CDAN1: variants seen among roughly 807,000 people sequenced by gnomAD.
The protein encoded by CDAN1 is codanin-1.
Under a neutral mutation model 139.8 loss-of-function variants are expected in CDAN1, and 107 were observed. The ratio of observed to expected loss-of-function variants is 0.77; its 90% confidence interval spans 0.65 to 0.90. The LOEUF (loss-of-function observed/expected upper bound fraction) is 0.90, where lower values mean the gene tolerates loss of function less well. CDAN1 is among the 40% of genes least tolerant of loss of function. CDAN1 has a pLI of 0.00. For missense variants in CDAN1, 1,667 were observed against 1,575.7 expected (o/e 1.06, Z -0.98); for synonymous variants, 776 against 660.6 (o/e 1.17, Z -2.68).
At chr15:42,735,828 C>G in intron 3 of CDAN1, 47 bp downstream of exon 3, 1 of 1,603,778 alleles carries the variant, frequency 6.2e-7, no homozygotes, top group Non-Finnish European at 8.5e-7. Context: ...CCCTGAAGAT[C>G]CCCCACAGCG....
chr15:42,727,608 G>T lies in CDAN1; in HGVS notation c.3096+13C>A. On this transcript the variant is annotated intron_variant, in intron 23 of 27. Coordinates refer to ENST00000356231, the MANE Select transcript of CDAN1 (RefSeq NM_138477.4). ...GGAGCAGGGAAGCCAAAGGGAGTAG[G>T]GTAGCCGTGTACTTTTATCTCGGAG... is the stretch of plus-strand genomic sequence containing the variant. 6.5e-7 allele frequency: 1 copy of T among 1,549,244 alleles called. No homozygotes were observed. Among genetic ancestry groups the T allele is most frequent in the Non-Finnish European group, 8.7e-7 (1 of 1,143,140 alleles).
chr15:42,730,238 A>G, intron 14 of CDAN1, 23 bp from the exon 15 acceptor site: 1 of 1,606,008 alleles, frequency 6.2e-7, no homozygotes, highest in East Asian at 2.2e-5. Context: ...TGGGCAGTAC[A>G]CGGGTTTGAG....
At chr15:42,728,409 GTGCCAGAGAAAAGACAAGCCCAAC>G in intron 20 of CDAN1, 142 bp from the exon 21 acceptor site, 1 of 921,594 alleles carries the variant, frequency 1.1e-6, no homozygotes, top group South Asian at 1.4e-5. Flanking sequence ...CCCACCCCAG[GTGCCAGAGAAAAGACAAGCCCAAC>G]TGCCAGCCCC....
rs1261005562 is a variant in CDAN1 at position 42,736,674 on chromosome 15, G to C, written c.197C>G (p.Pro66Arg). Residue 66 changes from proline to arginine, a missense_variant, in exon 2 of 28, where the codon CCG becomes CGG. Around this residue, in one of 3 missense-constraint regions of CDAN1, gnomAD observed 487 missense variants for 422.2 expected, o/e 1.15. Coordinates refer to ENST00000356231, the MANE Select transcript of CDAN1 (RefSeq NM_138477.4). ...CTTGGCGGGGGTCGGGGGCCCCTGC[G>C]GGAGGACGCGGCTGCTCTGCTCCCT... Reference protein sequence around the residue: ...FLREQSSRVLPQGPPTPAKTP... With the variant: ...FLREQSSRVLRQGPPTPAKTP... 8.4e-6 allele frequency: 13 copies of C among 1,545,660 alleles called. No individual in the cohort carries two copies. Among genetic ancestry groups the C allele is most frequent in the Non-Finnish European group, 1.1e-5 (13 of 1,148,126 alleles).
intron 6 of CDAN1, 25 bp downstream of exon 6, chr15:42,735,075 A>T: frequency 2.6e-6 from 4 of 1,557,666 alleles, no homozygotes; most frequent in Non-Finnish European, 3.5e-6. Context: ...AATGAGGCCC[A>T]AATGCCTCAG....
chr15:42,725,100 TA>T (rs759742115), intron 27 of CDAN1, 43 bp downstream of exon 27: 12 of 1,495,316 alleles, frequency 8.0e-6, no homozygotes, highest in Middle Eastern at 1.7e-4. Context: ...ATGGGATATG[TA>T]ACACCTGTTC....
chr15:42,736,878 CG>C, intron 1 of CDAN1, 98 bp from the exon 2 acceptor site: 1 of 1,446,116 alleles, frequency 6.9e-7, no homozygotes, highest in Non-Finnish European at 9.1e-7. Context: ...GTGGGCGGCC[CG>C]GGCAGCGGCG....
At chr15:42,736,827 C>G (rs767291360) in intron 1 of CDAN1, 47 bp from the exon 2 acceptor site, 21 of 1,476,154 alleles carry the variant, frequency 1.4e-5, no homozygotes, top group Non-Finnish European at 1.9e-5. Context: ...AGCCGCCGGC[C>G]CGCGGGCCGT....
rs1486052803 is a variant in CDAN1 at position 42,729,630 on chromosome 15, G to A, written c.2353-8C>T. 3.7e-6 allele frequency: 6 copies of A among 1,613,954 alleles called. No homozygotes were observed. The highest frequency in any genetic ancestry group is 5.1e-6 in the Non-Finnish European group (6 of 1,179,984). ...CACCACAGGCGCATTGTCCTGGGGAGAAAAGGTTGGTGTCAGCAGACTGCC... is the reference window on the plus strand; with the variant it reads ...CACCACAGGCGCATTGTCCTGGGGAAAAAAGGTTGGTGTCAGCAGACTGCC... On this transcript the variant is annotated splice_polypyrimidine_tract_variant and splice_region_variant and intron_variant, in intron 16 of 27. Transcript: ENST00000356231.
intron 22 of CDAN1, 55 bp downstream of exon 22, chr15:42,727,900 T>C: frequency 1.2e-6 from 2 of 1,602,504 alleles, no homozygotes; most frequent in Non-Finnish European, 1.7e-6. Flanking sequence ...TCTGACTCTC[T>C]GCCAGTCCAC....
chr15:42,724,788 G>A (rs1167130020), intron 27 of CDAN1, 172 bp from the exon 28 acceptor site: 1 of 872,908 alleles, frequency 1.1e-6, no homozygotes, highest in East Asian at 2.7e-5. Flanking sequence ...GGAGGCTGAA[G>A]TTATGGCAGG....
At chr15:42,734,081 G>C (rs2061653278) in intron 7 of CDAN1, 34 bp from the exon 8 acceptor site, 1 of 1,589,144 alleles carries the variant, frequency 6.3e-7, no homozygotes, top group Non-Finnish European at 8.6e-7. Flanking sequence ...GAACTGCAGG[G>C]TCATGCTGAG....
rs61747153 is a variant in CDAN1, at chr15:42,730,963, C to A, written c.1969G>T (p.Gly657Cys). 1.2e-6 allele frequency: 2 copies of A among 1,613,978 alleles called. No individual in the cohort carries two copies. Among genetic ancestry groups the A allele is most frequent in the African/African-American group, 1.3e-5 (1 of 74,902 alleles). Residue 657 changes from glycine (G) to cysteine (C), a missense_variant, in exon 13 of 28, where the codon GGT becomes TGT. Coordinates refer to ENST00000356231, the MANE Select transcript of CDAN1 (RefSeq NM_138477.4). ...GCCAGAATGGAGTCCTGAAGCTCAC[C>A]GGTCGGGGGAGGTTCAGGCCCCCGG... Reference protein sequence around the residue: ...PYRGPEPPPTGELQDSILALR... With the variant: ...PYRGPEPPPTCELQDSILALR...
At chr15:42,726,953 A>C (rs1026322546) in intron 23 of CDAN1, 1 of 161,640 alleles carries the variant, frequency 6.2e-6, no homozygotes, top group Non-Finnish European at 1.4e-5. Context: ...CTATTCCTAG[A>C]TCATTACCCT....
Position 42,725,799 on chromosome 15 carries a change from A to G in CDAN1, c.3269-129T>C, listed in dbSNP as rs981646129. On this transcript the variant is annotated intron_variant, in intron 25 of 27. Coordinates refer to ENST00000356231, the MANE Select transcript of CDAN1 (RefSeq NM_138477.4). ...GGGGTTCGAGACCAGTCTGGCCAAC[A>G]TAGTGAAACCCCATCTCTATTAAAA... 8 of 933,016 alleles carry G rather than the reference A, an allele frequency of 8.6e-6. No homozygotes were observed. In the Admixed American group the frequency reaches 1.7e-4, roughly 20 times the overall value. 57.8% of individuals were successfully genotyped at this position (933,016 alleles called of 1,614,324 possible).
intron 9 of CDAN1, 47 bp from the exon 10 acceptor site, chr15:42,732,455 G>A (rs1427326966): frequency 6.4e-7 from 1 of 1,562,038 alleles, no homozygotes; most frequent in Non-Finnish European, 8.8e-7. Flanking sequence ...GGAGGGAGAG[G>A]GAGAAAGATC....
At chr15:42,733,392 T>C (rs1254496283) in intron 8 of CDAN1, among the ~76,000 whole-genome samples, 4 of 152,064 alleles carry the variant, frequency 2.6e-5, no homozygotes, top group Non-Finnish European at 5.9e-5. Flanking sequence ...TTCTCCTGCC[T>C]CAGCCTCCAG....
chr15:42,736,169 C>A lies in CDAN1; in HGVS notation c.570-91G>T, dbSNP rs779231061. 17 of 1,571,760 alleles carry A rather than the reference C, an allele frequency of 1.1e-5. No homozygotes were observed. The African/African-American group carries it at 1.1e-4, about 10-fold the overall frequency. ...AACAGCTAGACCTCTTGCCAAAAAA[C>A]CCCACAAAAACCCTCACCATCACCC... On this transcript the variant is annotated intron_variant, in intron 2 of 27. Coordinates refer to ENST00000356231, the MANE Select transcript of CDAN1 (RefSeq NM_138477.4).
chr15:42,733,512 G>C (rs1463044379), intron 8 of CDAN1, among the ~76,000 whole-genome samples: 2 of 152,134 alleles, frequency 1.3e-5, no homozygotes, highest in African/African-American at 4.8e-5. Flanking sequence ...CCTGACCTCA[G>C]GTGATCCGCC....
Sources: allele counts gnomAD v4.1 joint callset (sites outside exome capture counted in the v4.1 genomes callset), GRCh38; gene constraint gnomAD v4.1.1; regional missense constraint gnomAD v4.1.1; transcripts MANE v1.5; gene names NCBI Gene and HGNC (gene_info 2026-07-23, HGNC 2026-07-21).